RASEF: variants seen among roughly 807,000 people sequenced by gnomAD.
The protein encoded by RASEF is RAS and EF-hand domain containing, also known as ras and EF-hand domain-containing protein.
Under a neutral mutation model 90.1 loss-of-function variants are expected in RASEF, and 68 were observed. That is an observed-to-expected ratio of 0.75 (90% confidence interval 0.62 to 0.92). RASEF has a LOEUF of 0.92. Ranked by LOEUF, RASEF falls within the 40% of genes least tolerant of loss-of-function variation. The pLI, the probability that RASEF is intolerant of heterozygous loss-of-function variation, is 0.00. For missense variants in RASEF, 949 were observed against 937.2 expected (o/e 1.01, Z -0.16); for synonymous variants, 331 against 345.2 (o/e 0.96, Z 0.46).
the RASEF span, among the ~76,000 whole-genome samples, chr9:83,169,489 T>C: frequency 6.6e-6 from 1 of 152,106 alleles, no homozygotes; most frequent in East Asian, 1.9e-4. Flanking sequence ...CTAATTTACA[T>C]TGCCACCAAC....
Position 83,021,888 on chromosome 9 carries a change from A to C in RASEF, c.669+448T>G, listed in dbSNP as rs186565796. On this transcript the variant is annotated intron_variant, in intron 3 of 16. Coordinates refer to ENST00000376447, the MANE Select transcript of RASEF (RefSeq NM_152573.4). Reference sequence around the variant, plus strand: ...TGACTGTATTCCATTATAAAACACCAAAGTTTGAAGACAGAATTTTAATTT... The same window carrying C: ...TGACTGTATTCCATTATAAAACACCCAAGTTTGAAGACAGAATTTTAATTT... 1.6e-3 allele frequency among the ~76,000 whole-genome samples: 240 copies of C among 152,292 alleles called. 1 individual carries two copies. Among genetic ancestry groups the C allele is most frequent in the African/African-American group, 5.6e-3 (231 of 41,544 alleles).
chr9:83,094,735 G>A, the RASEF span, among the ~76,000 whole-genome samples: 2 of 152,188 alleles, frequency 1.3e-5, no homozygotes, highest in Non-Finnish European at 2.9e-5. Flanking sequence ...GAAGAGTCTG[G>A]ATAGTGTACA....
the RASEF span, among the ~76,000 whole-genome samples, chr9:83,092,738 A>T: frequency 6.6e-6 from 1 of 152,074 alleles, no homozygotes; most frequent in Non-Finnish European, 1.5e-5. Context: ...GGCCCCACCC[A>T]CGTCCTGCTG....
chr9:83,048,866 C>T (rs1025065349), intron 1 of RASEF: 2 of 663,236 alleles, frequency 3.0e-6, no homozygotes, highest in Admixed American at 6.3e-5. Flanking sequence ...CAGTGGCTCA[C>T]GCCTGTCATC....
At chr9:83,215,901 A>G in the RASEF span, among the ~76,000 whole-genome samples, 1 of 152,204 alleles carries the variant, frequency 6.6e-6, no homozygotes, top group Non-Finnish European at 1.5e-5. Flanking sequence ...AAATGTTGAT[A>G]GTGATATAGA....
At position 83,062,778 on chromosome 9, in the gene RASEF, G is replaced by C. The variant is rs550688762; in HGVS notation, c.90C>G (p.Arg30=). The change falls in exon 1 of 17, where the codon CGC becomes CGG. Residue 30 remains arginine (R), a synonymous_variant. Coordinates refer to ENST00000376447, the MANE Select transcript of RASEF (RefSeq NM_152573.4). The stretch of plus-strand genomic sequence containing the variant: ...CCGTGCACAGTGCCCGGAACTCCTC[G>C]CGCTCCAGGCGCCCCGAGCGGTTCG... ...CDANRSGRLE[R]EEFRALCTEL... is the part of the protein sequence containing the mutation. 1 of 1,556,830 alleles carries C rather than the reference G, an allele frequency of 6.4e-7. No homozygotes were observed. The highest frequency in any genetic ancestry group is 2.4e-5 in the East Asian group (1 of 41,950).
intron 2 of RASEF, among the ~76,000 whole-genome samples, chr9:83,024,866 G>C (rs1829514098): frequency 6.6e-6 from 1 of 152,016 alleles, no homozygotes; most frequent in Non-Finnish European, 1.5e-5. Flanking sequence ...ATGTAGACAG[G>C]GCAGCCTCCT....
At chr9:83,198,345 A>G in the RASEF span, among the ~76,000 whole-genome samples, 5 of 152,198 alleles carry the variant, frequency 3.3e-5, no homozygotes, top group African/African-American at 1.2e-4. Context: ...CTTTCTCTTT[A>G]CTGTCTAAAA....
the RASEF span, among the ~76,000 whole-genome samples, chr9:83,151,762 A>G: frequency 6.6e-6 from 1 of 152,220 alleles, no homozygotes; most frequent in African/African-American, 2.4e-5. Flanking sequence ...AAAGTAACAC[A>G]AAGGCTTATG....
upstream of RASEF, among the ~76,000 whole-genome samples, chr9:83,067,334 C>T (rs534779413): frequency 6.6e-6 from 1 of 152,192 alleles, no homozygotes; most frequent in African/African-American, 2.4e-5. Flanking sequence ...GCTTACTATT[C>T]CTAAGGAAGC....
Position 83,005,426 on chromosome 9 carries a change from T to C in RASEF, c.1103A>G (p.Asn368Ser). 3 of 1,610,810 alleles carry C rather than the reference T, an allele frequency of 1.9e-6. No individual in the cohort carries two copies. Among genetic ancestry groups the C allele is most frequent in the Non-Finnish European group, 2.5e-6 (3 of 1,177,050 alleles). ...SALENSYSKF[N>S]RSLHINNISP... ...AACTATGTGGCATACCAAAGATCTGTTGAACTTGCTATAACTGTTTTCAAG... is the reference window on the plus strand; with the variant it reads ...AACTATGTGGCATACCAAAGATCTGCTGAACTTGCTATAACTGTTTTCAAG... Residue 368 changes from asparagine to serine, a missense_variant, in exon 8 of 17, where the codon AAC becomes AGC. This residue lies in a region of RASEF where 656 missense variants were observed against 592.2 expected (regional missense o/e 1.11). Coordinates refer to ENST00000376447, the MANE Select transcript of RASEF (RefSeq NM_152573.4).
rs890045741 is a variant in RASEF, at chr9:83,007,471, G to T, written c.994C>A (p.Arg332=). Residue 332 remains arginine, a synonymous_variant, in exon 7 of 17, where the codon CGA becomes AGA. Transcript: ENST00000376447. The part of the protein sequence containing the change: ...LEIIRAYTED[R]NSLERQIEIL... The stretch of plus-strand genomic sequence containing the variant: ...TCAATTTGCCTCTCAAGACTATTTC[G>T]ATCTTCTGTGTATGCTCGGATTATT... 2 of 1,612,728 alleles carry T rather than the reference G, an allele frequency of 1.2e-6. No individual in the cohort carries two copies. Among genetic ancestry groups the T allele is most frequent in the Middle Eastern group, 1.6e-4 (1 of 6,082 alleles).
the RASEF span, among the ~76,000 whole-genome samples, chr9:83,168,558 A>G: frequency 6.6e-6 from 1 of 152,184 alleles, no homozygotes; most frequent in African/African-American, 2.4e-5. Context: ...TTTGCAAATC[A>G]TCCATCTGAT....
At chr9:83,109,838 C>T in the RASEF span, among the ~76,000 whole-genome samples, 1 of 152,104 alleles carries the variant, frequency 6.6e-6, no homozygotes, top group Non-Finnish European at 1.5e-5. Context: ...CTCAATAAGA[C>T]TGAATTATTT....
the RASEF span, among the ~76,000 whole-genome samples, chr9:83,090,057 A>G: frequency 6.6e-6 from 1 of 152,158 alleles, no homozygotes; most frequent in East Asian, 1.9e-4. Flanking sequence ...GTCTTCCTCA[A>G]ACTTGATAAT....
At chr9:83,000,817 A>C in intron 10 of RASEF, 79 bp downstream of exon 10, 1 of 1,259,822 alleles carries the variant, frequency 7.9e-7, no homozygotes, top group Non-Finnish European at 1.1e-6. Context: ...ACAGATTTCC[A>C]TGACAGATAG....
intron 14 of RASEF, 96 bp from the exon 15 acceptor site, chr9:82,993,121 T>G: frequency 7.6e-7 from 1 of 1,323,996 alleles, no homozygotes. Context: ...ATTTTCCCTT[T>G]GCCTCCTTTG....
chr9:83,124,249 T>C, the RASEF span, among the ~76,000 whole-genome samples: 2 of 152,222 alleles, frequency 1.3e-5, no homozygotes, highest in African/African-American at 4.8e-5. Flanking sequence ...ATAATGCTGC[T>C]ATGAACATGG....
At chr9:83,055,418 G>A (rs151007842) in intron 1 of RASEF, 18 of 591,382 alleles carry the variant, frequency 3.0e-5, no homozygotes, top group Non-Finnish European at 4.0e-5. Flanking sequence ...CACGGTGCGC[G>A]CACACACTGG....
Sources: allele counts gnomAD v4.1 joint callset (sites outside exome capture counted in the v4.1 genomes callset), GRCh38; gene constraint gnomAD v4.1.1; regional missense constraint gnomAD v4.1.1; transcripts MANE v1.5; gene names NCBI Gene and HGNC (gene_info 2026-07-23, HGNC 2026-07-21).